Variants in LHFPL2 observed in about 807,000 individuals in gnomAD.
LHFPL2 encodes the protein LHFPL tetraspan subfamily member 2 protein.
LHFPL2 carries 7 observed loss-of-function variants against 17.5 expected under a neutral mutation model. That is an observed-to-expected ratio of 0.40 (90% CI 0.23 to 0.75). LHFPL2 has a LOEUF of 0.75. Among genes scored for constraint, LHFPL2 ranks in the 30% least tolerant of loss-of-function variants. The probability of loss-of-function intolerance (pLI) is 0.37; values close to 1 mark genes in which losing one functional copy is unlikely to be tolerated. For synonymous variants in LHFPL2, 134 were observed against 116.2 expected (o/e 1.15, Z -0.99); for missense variants, 241 against 294.8 (o/e 0.82, Z 1.34).
At chr5:78,590,131 T>G (rs958846676) in intron 2 of LHFPL2, 4 of 152,212 alleles carry the variant, frequency 2.6e-5, no homozygotes, top group Admixed American at 2.0e-4. Flanking sequence ...TTCACACACA[T>G]GGCTCTACTA....
intron 3 of LHFPL2, among the ~76,000 whole-genome samples, chr5:78,510,912 T>C (rs10462557): frequency 0.043 from 6,585 of 152,282 alleles, 314 homozygotes; most frequent in East Asian, 0.25. Flanking sequence ...CAGTAGAGAG[T>C]AGCAACACCC....
chr5:78,569,547 C>T (rs1410467478), intron 2 of LHFPL2, among the ~76,000 whole-genome samples: 1 of 152,154 alleles, frequency 6.6e-6, no homozygotes, highest in Admixed American at 6.5e-5. Flanking sequence ...ACAATTGTGT[C>T]TGACAACAGG....
Position 78,557,079 on chromosome 5 carries a change from C to T in LHFPL2, c.-186+7734G>A, listed in dbSNP as rs115041877. 7.8e-3 allele frequency among the ~76,000 whole-genome samples: 1,191 copies of T among 152,108 alleles called. 13 individuals are homozygous for T. The highest frequency in any genetic ancestry group is 0.025 in the African/African-American group (1,054 of 41,474). On this transcript the variant is annotated intron_variant, in intron 3 of 4. Transcript: ENST00000380345. ...AGCCATAATAATATATATGTAAGGGCTGTTGCTTGGCTTCAAGAGTATACC... is the reference window on the plus strand; with the variant it reads ...AGCCATAATAATATATATGTAAGGGTTGTTGCTTGGCTTCAAGAGTATACC...
intron 3 of LHFPL2, among the ~76,000 whole-genome samples, chr5:78,529,653 A>G (rs1399062229): frequency 1.3e-5 from 2 of 152,178 alleles, no homozygotes; most frequent in Non-Finnish European, 2.9e-5. Flanking sequence ...AAAAAAAAAA[A>G]AGAAAATGCT....
intron 3 of LHFPL2, among the ~76,000 whole-genome samples, chr5:78,544,295 A>G (rs572397302): frequency 6.6e-6 from 1 of 152,354 alleles, no homozygotes; most frequent in South Asian, 2.1e-4. Flanking sequence ...GGCATCTGGC[A>G]CACAGAGCAG....
chr5:78,635,969 AATTAT>A (rs1196362900), intron 1 of LHFPL2, among the ~76,000 whole-genome samples: 4 of 150,702 alleles, frequency 2.7e-5, no homozygotes, highest in Non-Finnish European at 4.4e-5. Flanking sequence ...ATGCATCGTA[AATTAT>A]ATTAAAGTTC....
At chr5:78,530,149 A>T (rs1755738439) in intron 3 of LHFPL2, among the ~76,000 whole-genome samples, 1 of 152,206 alleles carries the variant, frequency 6.6e-6, no homozygotes, top group African/African-American at 2.4e-5. Flanking sequence ...ATCATCAGTA[A>T]AATTTTTTCA....
intron 2 of LHFPL2, among the ~76,000 whole-genome samples, chr5:78,609,450 C>CAAAAAAAAAAAAAAAAAAAAAAAAAAA (rs71613975): frequency 2.5e-5 from 1 of 40,684 alleles, no homozygotes; most frequent in African/African-American, 8.6e-5. Context: ...GACTCAGTCT[C>CAAAAAAAAAAAAAAAAAAAAAAAAAAA]AAAAAAAAAA....
intron 4 of LHFPL2, among the ~76,000 whole-genome samples, chr5:78,506,219 GTT>G (rs1311114577): frequency 2.0e-5 from 3 of 152,114 alleles, no homozygotes; most frequent in African/African-American, 4.8e-5. Context: ...TTTATGCTGT[GTT>G]TTTTTATAGA....
At chr5:78,590,834 T>C (rs1423925344) in intron 2 of LHFPL2, among the ~76,000 whole-genome samples, 1 of 152,220 alleles carries the variant, frequency 6.6e-6, no homozygotes, top group African/African-American at 2.4e-5. Context: ...AAATGGATAA[T>C]GCAGATCATG....
Position 78,488,930 on chromosome 5 carries a change from AATTTCTTCCTGTACTTTGTCACT to A in LHFPL2, c.631_653del (p.Ser211Ter), listed in dbSNP as rs1754343608. 6.2e-7 allele frequency: 1 copy of A among 1,613,984 alleles called. No homozygotes were observed. The highest frequency in any genetic ancestry group is 1.7e-5 in the Admixed American group (1 of 59,998). On this transcript the variant is annotated frameshift_variant, in exon 5 of 5. Transcript: ENST00000380345. LOFTEE classifies it high-confidence loss of function. ...GGCAGATCAGATTTTTCCCCTCTTCAATTTCTTCCTGTACTTTGTCACTAGAGGTTGCAATTTCTGCTTGTGCA... is the reference window on the plus strand; with the variant it reads ...GGCAGATCAGATTTTTCCCCTCTTCAAGAGGTTGCAATTTCTGCTTGTGCA...
intron 3 of LHFPL2, among the ~76,000 whole-genome samples, chr5:78,563,781 C>T (rs527244748): frequency 3.0e-4 from 45 of 152,112 alleles, no homozygotes; most frequent in Admixed American, 5.2e-4. Flanking sequence ...CTCAGGTCAG[C>T]CCTGGCATTC....
intron 1 of LHFPL2, among the ~76,000 whole-genome samples, chr5:78,646,508 C>A (rs1745885095): frequency 6.6e-6 from 1 of 152,186 alleles, no homozygotes; most frequent in South Asian, 2.1e-4. Flanking sequence ...TTTATAGACA[C>A]AGAAACAGAG....
chr5:78,617,427 C>G (rs953774021), intron 2 of LHFPL2, among the ~76,000 whole-genome samples: 3 of 152,158 alleles, frequency 2.0e-5, no homozygotes, highest in Non-Finnish European at 4.4e-5. Flanking sequence ...TATTTTTCCA[C>G]TCTCACCAGC....
intron 3 of LHFPL2, among the ~76,000 whole-genome samples, chr5:78,514,288 C>T (rs1313946054): frequency 6.6e-6 from 1 of 151,668 alleles, no homozygotes; most frequent in Admixed American, 6.6e-5. Flanking sequence ...TGTGGATCAT[C>T]TAGACAGCCC....
At position 78,648,388 on chromosome 5, in the gene LHFPL2, G is replaced by A. The variant is rs1394086740; in HGVS notation, c.-350+111C>T. On this transcript the variant is annotated intron_variant, in intron 1 of 4. Transcript: ENST00000380345. This position sits in a 1 kb window ranked among gnomAD's most constrained non-coding sequence, Gnocchi z 5.4. Reference sequence around the variant, plus strand: ...CGCCAGCCGCGGCTCAAGCAGCCAGGGCTCGGCCGGCCGCAACGGCTCCCC... The same window carrying A: ...CGCCAGCCGCGGCTCAAGCAGCCAGAGCTCGGCCGGCCGCAACGGCTCCCC... 1 of 151,904 alleles carries A rather than the reference G, an allele frequency of 6.6e-6. No homozygotes were observed. The allele number at this position is 151,904 out of a possible 1,614,324, so 9.4% of individuals were successfully genotyped here.
intron 2 of LHFPL2, among the ~76,000 whole-genome samples, chr5:78,587,308 T>C (rs775866510): frequency 6.6e-6 from 1 of 152,232 alleles, no homozygotes; most frequent in African/African-American, 2.4e-5. Flanking sequence ...TCTTACTAAA[T>C]AGGACAAATG....
Position 78,615,265 on chromosome 5 carries a change from C to T in LHFPL2, c.-245+16999G>A, listed in dbSNP as rs16875670. ...GTCCTGTCCCAGTTGAGAACCATCA[C>T]GGTAAACAGAAGACGAAATCAAAAG... is the stretch of plus-strand genomic sequence containing the variant. On this transcript the variant is annotated intron_variant, in intron 2 of 4. Coordinates refer to ENST00000380345, the MANE Select transcript of LHFPL2 (RefSeq NM_005779.3). Among the ~76,000 whole-genome samples, 825 of 151,916 alleles carry T rather than the reference C, an allele frequency of 5.4e-3. 19 individuals are homozygous for T. Among genetic ancestry groups the T allele is most frequent in the East Asian group, 0.053 (273 of 5,176 alleles).
At chr5:78,585,911 A>G (rs970671771) in intron 2 of LHFPL2, among the ~76,000 whole-genome samples, 6 of 152,214 alleles carry the variant, frequency 3.9e-5, no homozygotes, top group Admixed American at 2.6e-4. Flanking sequence ...AACAAGCAAC[A>G]CAAGCCGTTC....
Sources: gnomAD v4.1 joint callset for allele counts (sites outside exome capture counted in the v4.1 genomes callset) on GRCh38, gnomAD v4.1.1 for gene constraint, Gnocchi (gnomAD v3.1) non-coding constraint, MANE v1.5 for transcripts, NCBI Gene and HGNC (gene_info 2026-07-23, HGNC 2026-07-21) for gene names.